Variants in ETV6 observed in about 807,000 individuals in gnomAD.
The protein encoded by ETV6 is ETS variant transcription factor 6.
Under a neutral mutation model 51.1 loss-of-function variants are expected in ETV6, and 16 were observed. The observed-to-expected ratio is 0.31, with a 90% CI of 0.21 to 0.48. The LOEUF is 0.48. ETV6 is among the 20% of genes least tolerant of loss of function. The probability of loss-of-function intolerance (pLI) is 0.99; values close to 1 mark genes in which losing one functional copy is unlikely to be tolerated. For missense variants in ETV6, 458 were observed against 594.8 expected, an observed-to-expected ratio of 0.77 and a Z score of 2.39; for synonymous variants, 240 against 224.1, an observed-to-expected ratio of 1.07 and a Z score of -0.64.
At chr12:11,779,125 T>C (rs138854409) in intron 2 of ETV6, among the ~76,000 whole-genome samples, 122 of 152,374 alleles carry the variant, frequency 8.0e-4, no homozygotes, top group Non-Finnish European at 4.0e-4. Context: ...GTTGAGCCTG[T>C]TGACTTCTCT....
chr12:11,839,089 A>G, intron 2 of ETV6, 51 bp from the exon 3 acceptor site: 2 of 1,573,110 alleles, frequency 1.3e-6, no homozygotes, highest in Non-Finnish European at 1.7e-6. Context: ...CCAGCTGTCT[A>G]ACTGACAAGA....
intron 5 of ETV6, among the ~76,000 whole-genome samples, chr12:11,872,216 G>C (rs192662491): frequency 6.6e-5 from 10 of 152,334 alleles, no homozygotes; most frequent in Admixed American, 5.2e-4. Context: ...GAGAGGCAAA[G>C]GCCTTTGCCA....
chr12:11,714,599 T>C (rs924179785), intron 1 of ETV6, among the ~76,000 whole-genome samples: 3 of 135,792 alleles, frequency 2.2e-5, no homozygotes, highest in Non-Finnish European at 3.0e-5. Context: ...GCACAACTTA[T>C]AGTCCAGCTA....
chr12:11,874,575 CATATATGTGTGTAT>C (rs1565562568), intron 5 of ETV6, among the ~76,000 whole-genome samples: 18 of 6,710 alleles, frequency 2.7e-3, no homozygotes, highest in East Asian at 0.071. Flanking sequence ...CGTGTGTACA[CATATATGTGTGTAT>C]ACACATATAT....
chr12:11,752,508 C>T lies in ETV6; in HGVS notation c.92C>T (p.Thr31Met), dbSNP rs149994836. ...CCAGTGCCGAGTTACGCTTCCTCGA[C>T]GCCACTTCATGTTCCAGTGCCTCGA... ...ESPVPSYASS[T>M]PLHVPVPRAL... is the part of the protein sequence containing the mutation. The change falls in exon 2 of 8, where the codon ACG (threonine) becomes ATG (methionine). Residue 31 changes from threonine to methionine, a missense_variant. Coordinates refer to ENST00000396373, the MANE Select transcript of ETV6 (RefSeq NM_001987.5). 69 of 1,614,058 alleles carry T rather than the reference C, an allele frequency of 4.3e-5. No individual in the cohort carries two copies. The highest frequency in any genetic ancestry group is 1.6e-4 in the African/African-American group (12 of 75,042).
intron 2 of ETV6, among the ~76,000 whole-genome samples, chr12:11,790,306 C>A (rs58842201): frequency 0.01 from 1,575 of 152,168 alleles, 23 homozygotes; most frequent in African/African-American, 0.036. Flanking sequence ...GCCTTCTATA[C>A]TCAAACGTCT....
In ETV6 at chr12:11,892,210, A is replaced by ATTTTTTTTTTTT. The variant is rs35812814; in HGVS notation, c.*1176_*1187dup. ...GTGGTCAGTTTCATGCCCTCACCTG[A>ATTTTTTTTTTTT]TTTTTTTTTTTTTTTTTTTTTTTCA... is the stretch of plus-strand genomic sequence containing the variant. On this transcript the variant is annotated 3_prime_UTR_variant, in exon 8 of 8. Coordinates refer to ENST00000396373, the MANE Select transcript of ETV6 (RefSeq NM_001987.5). 2.0e-4 allele frequency: 31 copies of ATTTTTTTTTTTT among 153,548 alleles called. 2 individuals carry two copies. The highest frequency in any genetic ancestry group is 1.1e-3 in the African/African-American group (27 of 24,368). The allele number at this position is 153,548 out of a possible 1,614,324, so 9.5% of individuals were successfully genotyped here.
chr12:11,870,052 C>G, intron 5 of ETV6, 83 bp downstream of exon 5: 1 of 1,472,126 alleles, frequency 6.8e-7, no homozygotes, highest in Non-Finnish European at 9.1e-7. Flanking sequence ...TGCAGCCAGC[C>G]TCGCACCATT....
At chr12:11,734,111 A>G (rs1565503754) in intron 1 of ETV6, among the ~76,000 whole-genome samples, 1 of 152,182 alleles carries the variant, frequency 6.6e-6, no homozygotes, top group Non-Finnish European at 1.5e-5. Context: ...AAGGAATCAG[A>G]TCTTTGGATT....
At chr12:11,680,685 T>C (rs1198437029) in intron 1 of ETV6, among the ~76,000 whole-genome samples, 1 of 152,190 alleles carries the variant, frequency 6.6e-6, no homozygotes, top group African/African-American at 2.4e-5. Context: ...TAGAAACTAA[T>C]TAGAGCATTT....
At chr12:11,841,007 T>C (rs1406872678) in intron 3 of ETV6, 3 of 157,018 alleles carry the variant, frequency 1.9e-5, no homozygotes, top group Non-Finnish European at 4.2e-5. Flanking sequence ...ACCATTCATG[T>C]AAAGCAAGCA....
At chr12:11,737,947 T>A (rs1051641079) in intron 1 of ETV6, among the ~76,000 whole-genome samples, 1 of 152,138 alleles carries the variant, frequency 6.6e-6, no homozygotes, top group African/African-American at 2.4e-5. Context: ...ACTTTTGTTA[T>A]TTTTTAGCCT....
chr12:11,857,853 C>T (rs1042130088), intron 4 of ETV6, among the ~76,000 whole-genome samples: 1 of 152,248 alleles, frequency 6.6e-6, no homozygotes, highest in African/African-American at 2.4e-5. Context: ...TAAATGGTTT[C>T]TGCAGTCTCT....
chr12:11,758,160 G>A (rs1040402482), intron 2 of ETV6, among the ~76,000 whole-genome samples: 5 of 152,174 alleles, frequency 3.3e-5, no homozygotes, highest in East Asian at 1.9e-4. Context: ...CTGGATAGAC[G>A]TGAATGGACT....
intron 4 of ETV6, among the ~76,000 whole-genome samples, chr12:11,857,875 A>G (rs1946654901): frequency 6.6e-6 from 1 of 152,176 alleles, no homozygotes; most frequent in South Asian, 2.1e-4. Context: ...ACAGCTCTCA[A>G]ATCCCCACAT....
At chr12:11,729,297 T>G in intron 1 of ETV6, among the ~76,000 whole-genome samples, 1 of 152,072 alleles carries the variant, frequency 6.6e-6, no homozygotes, top group African/African-American at 2.4e-5. Context: ...TTATCTCAAC[T>G]CCTGAGTAGT....
rs779352263 is a variant in ETV6 at position 11,853,494 on chromosome 12, A to G, written c.396A>G (p.Pro132=). The G allele has an allele frequency of 6.2e-7, 1 of 1,614,170 alleles. No individual in the cohort carries two copies. The highest frequency in any genetic ancestry group is 8.5e-7 in the Non-Finnish European group (1 of 1,180,018). The part of the protein sequence containing the change: ...KQRKPRILFS[P]FFHPGNSIHT... ...GGAAACCTCGGATTCTTTTTTCACC[A>G]TTCTTCCACCCTGGAAACTCTATAC... The change falls in exon 4 of 8, where the codon CCA becomes CCG. Residue 132 remains proline, a synonymous_variant. Transcript: ENST00000396373.
chr12:11,674,479 G>T (rs1864376967), intron 1 of ETV6, among the ~76,000 whole-genome samples: 1 of 152,010 alleles, frequency 6.6e-6, no homozygotes. Flanking sequence ...AATATCCAAA[G>T]AGGAGACAGT....
chr12:11,753,626 C>T (rs1056160547), intron 2 of ETV6, among the ~76,000 whole-genome samples: 6 of 152,240 alleles, frequency 3.9e-5, no homozygotes, highest in African/African-American at 1.4e-4. Flanking sequence ...AGGTTGCTTT[C>T]TGAATGCAGA....
Sources: gnomAD v4.1 joint callset for allele counts (sites outside exome capture counted in the v4.1 genomes callset) on GRCh38, gnomAD v4.1.1 for gene constraint, MANE v1.5 for transcripts, NCBI Gene and HGNC (gene_info 2026-07-23, HGNC 2026-07-21) for gene names.